TNR: variants seen among roughly 807,000 people sequenced by gnomAD.
TNR encodes tenascin R, also known as tenascin-R.
A neutral mutation model predicts 150.4 loss-of-function variants in TNR; 45 were observed. The ratio of observed to expected loss-of-function variants is 0.30; its 90% CI spans 0.24 to 0.38. TNR has a LOEUF of 0.38. TNR is among the 10% of genes least tolerant of loss of function. The pLI is 1.00. For missense variants in TNR, 1,544 were observed against 1,759.1 expected (o/e 0.88, Z 2.19); for synonymous variants, 687 against 678.4 (o/e 1.01, Z -0.20).
intron 4 of TNR, among the ~76,000 whole-genome samples, chr1:175,399,408 G>A (rs2102041948): frequency 6.6e-6 from 1 of 152,316 alleles, no homozygotes; most frequent in Admixed American, 6.5e-5. Context: ...AAAAAAAGAG[G>A]TGCAGAAGGA....
rs1648928228 is a variant in TNR at position 175,319,331 on chromosome 1, G to C, written c.*4026C>G. ...TTTCTCCAGAGGAGAGGACAAAGAGGAACTCATAAACTCTTTCCCAACTGA... is the reference window on the plus strand; with the variant it reads ...TTTCTCCAGAGGAGAGGACAAAGAGCAACTCATAAACTCTTTCCCAACTGA... On this transcript the variant is annotated 3_prime_UTR_variant, in exon 23 of 23. Transcript: ENST00000367674. 1 of 152,192 alleles carries C rather than the reference G, an allele frequency of 6.6e-6. No individual in the cohort carries two copies. The highest frequency in any genetic ancestry group is 2.1e-4 in the South Asian group (1 of 4,832). The allele number at this position is 152,192 out of a possible 1,614,324, so 9.4% of individuals were successfully genotyped here.
chr1:175,348,661 C>A (rs534009601), intron 18 of TNR, among the ~76,000 whole-genome samples: 1 of 152,154 alleles, frequency 6.6e-6, no homozygotes, highest in Non-Finnish European at 1.5e-5. Flanking sequence ...TGAGGCACCA[C>A]AAACCAATAC....
intron 2 of TNR, among the ~76,000 whole-genome samples, chr1:175,438,360 G>C (rs959092826): frequency 6.6e-6 from 1 of 152,120 alleles, no homozygotes. Flanking sequence ...AATAAATTAG[G>C]TATTGATGGG....
At chr1:175,510,745 G>A (rs1286953368) in intron 2 of TNR, among the ~76,000 whole-genome samples, 1 of 152,092 alleles carries the variant, frequency 6.6e-6, no homozygotes, top group African/African-American at 2.4e-5. Context: ...TATAAATCCA[G>A]GAGTTGGGTG....
At position 175,741,630 on chromosome 1, in the gene TNR, T is replaced by C. The variant is rs141024966; in HGVS notation, c.-165+1596A>G. 2.8e-3 allele frequency among the ~76,000 whole-genome samples: 430 copies of C among 152,334 alleles called. 4 individuals are homozygous for C. The highest frequency in any genetic ancestry group is 8.5e-3 in the South Asian group (41 of 4,830). ...CCTCTGACTTCACTGTCTTCCTGGATGCATTCTACTTCCTGCCACTCTAGG... is the reference window on the plus strand; with the variant it reads ...CCTCTGACTTCACTGTCTTCCTGGACGCATTCTACTTCCTGCCACTCTAGG... On this transcript the variant is annotated intron_variant, in intron 1 of 22. Transcript: ENST00000367674.
chr1:175,583,831 G>C (rs1261573096), intron 1 of TNR, among the ~76,000 whole-genome samples: 1 of 152,188 alleles, frequency 6.6e-6, no homozygotes, highest in African/African-American at 2.4e-5. Context: ...AAAGATTACA[G>C]AACTGATTGA....
chr1:175,708,467 A>G (rs1170140697), intron 1 of TNR, among the ~76,000 whole-genome samples: 1 of 152,226 alleles, frequency 6.6e-6, no homozygotes, highest in Non-Finnish European at 1.5e-5. Flanking sequence ...AAACGTCTGT[A>G]CCATGCAAGA....
rs575090922 is a variant in TNR at position 175,604,228 on chromosome 1, T to A, written c.-164-75859A>T. Among the ~76,000 whole-genome samples, 40 of 152,218 alleles carry A rather than the reference T, an allele frequency of 2.6e-4. No homozygotes were observed. The South Asian group carries it at 8.1e-3, about 31-fold the overall frequency. On this transcript the variant is annotated intron_variant, in intron 1 of 22. Transcript: ENST00000367674. ...AGCCAGCTACATTAATCACACTCCA[T>A]CCCTTCAGCCCAGCGGAGATGGATG...
chr1:175,463,400 C>T (rs949331710), intron 2 of TNR, among the ~76,000 whole-genome samples: 1 of 152,176 alleles, frequency 6.6e-6, no homozygotes, highest in Non-Finnish European at 1.5e-5. Flanking sequence ...AAAGCCACAG[C>T]GTGGGCAAAG....
At chr1:175,677,374 C>G (rs964053340) in intron 1 of TNR, among the ~76,000 whole-genome samples, 1 of 152,188 alleles carries the variant, frequency 6.6e-6, no homozygotes, top group Non-Finnish European at 1.5e-5. Context: ...ACTGCTGTCT[C>G]TCTTTGGTTG....
chr1:175,540,064 C>A (rs1328782111), intron 1 of TNR, among the ~76,000 whole-genome samples: 3 of 152,146 alleles, frequency 2.0e-5, no homozygotes, highest in East Asian at 1.9e-4. Flanking sequence ...CACTGACTAA[C>A]AAATCAGTCT....
chr1:175,324,506 G>C lies in TNR; in HGVS notation c.3807C>G (p.Ser1269Arg). The C allele has an allele frequency of 6.2e-7, 1 of 1,613,734 alleles. No individual in the cohort carries two copies. Among genetic ancestry groups the C allele is most frequent in the East Asian group, 2.2e-5 (1 of 44,880 alleles). ...SYNGTAGDSL[S>R]YHQGRPFSTE... ...TGGAGAAAGGGCGTCCTTGATGATA[G>C]CTGAGGGAGTCCCCTGCAAAAAAGA... is the stretch of plus-strand genomic sequence containing the variant. The change falls in exon 22 of 23, where the codon AGC becomes AGG. Residue 1269 changes from serine (S) to arginine (R), a missense_variant. By Grantham distance (110) the Ser-to-Arg change is moderately radical (BLOSUM62 -1). This residue lies in a region of TNR where 290 missense variants were observed against 429.7 expected (regional missense o/e 0.67). Coordinates refer to ENST00000367674, the MANE Select transcript of TNR (RefSeq NM_003285.3).
At chr1:175,440,833 G>C (rs1655751441) in intron 2 of TNR, among the ~76,000 whole-genome samples, 1 of 152,176 alleles carries the variant, frequency 6.6e-6, no homozygotes, top group African/African-American at 2.4e-5. Flanking sequence ...TAAGAACAGA[G>C]AAAATATATG....
chr1:175,327,312 T>C (rs3766680), intron 21 of TNR, among the ~76,000 whole-genome samples: 72,898 of 152,012 alleles, frequency 0.48, 19,772 homozygotes, highest in East Asian at 0.77. Flanking sequence ...GTTTAACACA[T>C]TAAGTCCTGG....
At chr1:175,577,025 T>A (rs1194340761) in intron 1 of TNR, among the ~76,000 whole-genome samples, 3 of 152,186 alleles carry the variant, frequency 2.0e-5, no homozygotes, top group Non-Finnish European at 2.9e-5. Context: ...GCATGCCCCC[T>A]GGGGGTTTCA....
At chr1:175,638,648 A>C (rs1664557890) in intron 1 of TNR, among the ~76,000 whole-genome samples, 1 of 151,872 alleles carries the variant, frequency 6.6e-6, no homozygotes, top group African/African-American at 2.4e-5. Context: ...AGGGTACCAA[A>C]CTCCTCCAGC....
intron 1 of TNR, among the ~76,000 whole-genome samples, chr1:175,667,466 T>C (rs1441674283): frequency 1.3e-5 from 2 of 152,236 alleles, no homozygotes; most frequent in East Asian, 3.8e-4. Flanking sequence ...CTTAAACATT[T>C]CTTAAGCACC....
chr1:175,366,920 A>G (rs1478597710), intron 10 of TNR, among the ~76,000 whole-genome samples: 1 of 152,200 alleles, frequency 6.6e-6, no homozygotes, highest in East Asian at 1.9e-4. Flanking sequence ...CTGCAATGGC[A>G]TCAACCTATT....
intron 1 of TNR, among the ~76,000 whole-genome samples, chr1:175,644,858 C>T: frequency 6.6e-6 from 1 of 152,362 alleles, no homozygotes; most frequent in African/African-American, 2.4e-5. Flanking sequence ...CTTTCTGTGT[C>T]AGATGCCCTG....
Sources: allele counts gnomAD v4.1 joint callset (sites outside exome capture counted in the v4.1 genomes callset), GRCh38; gene constraint gnomAD v4.1.1; regional missense constraint gnomAD v4.1.1; transcripts MANE v1.5; gene names NCBI Gene and HGNC (gene_info 2026-07-23, HGNC 2026-07-21).